LRRC3C: variants seen among roughly 807,000 people sequenced by gnomAD.
The protein encoded by LRRC3C is leucine rich repeat containing 3C.
Under a neutral mutation model 14.8 loss-of-function variants are expected in LRRC3C, and 11 were observed. The ratio of observed to expected loss-of-function variants is 0.74; its 90% CI spans 0.47 to 1.23. The LOEUF (loss-of-function observed/expected upper bound fraction) is 1.23. Ranked by LOEUF, LRRC3C falls within the 50% of genes most tolerant of loss-of-function variation. The pLI is 0.00. For synonymous variants in LRRC3C, 149 were observed against 161.5 expected (o/e 0.92, Z 0.59); for missense variants, 354 against 361.8 (o/e 0.98, Z 0.18).
intron 1 of LRRC3C, among the ~76,000 whole-genome samples, chr17:39,933,084 A>G (rs62068165): frequency 1.1e-4 from 12 of 114,102 alleles, no homozygotes; most frequent in South Asian, 3.0e-4. Context: ...AGGAAGGAAG[A>G]AAGACAACAA....
intron 2 of LRRC3C, among the ~76,000 whole-genome samples, chr17:39,936,328 C>T (rs1978794287): frequency 6.6e-6 from 1 of 152,186 alleles, no homozygotes; most frequent in African/African-American, 2.4e-5. Context: ...TTTTCCCAGG[C>T]ACTTCACAGG....
chr17:39,933,091 A>G (rs4794820), intron 1 of LRRC3C, among the ~76,000 whole-genome samples: 82,840 of 151,788 alleles, frequency 0.55, 22,771 homozygotes, highest in East Asian at 0.72. Flanking sequence ...AAGAAAGACA[A>G]CAACAAAAAA....
Position 39,943,513 on chromosome 17 carries a change from C to T in LRRC3C, c.27-420C>T, listed in dbSNP as rs751207863. On this transcript the variant is annotated intron_variant, in intron 3 of 3. Transcript: ENST00000377924. Reference sequence around the variant, plus strand: ...CATCCGTCCCCTTGTCTCCATCACGCGAGTGCCAACCAGACCCTCTGGTGC... The same window carrying T: ...CATCCGTCCCCTTGTCTCCATCACGTGAGTGCCAACCAGACCCTCTGGTGC... 2.0e-5 allele frequency among the ~76,000 whole-genome samples: 3 copies of T among 152,164 alleles called. No homozygotes were observed. In the East Asian group the frequency reaches 5.8e-4, roughly 29 times the overall value.
intron 1 of LRRC3C, chr17:39,929,583 G>A (rs750185217): frequency 2.6e-5 from 4 of 152,100 alleles, no homozygotes; most frequent in African/African-American, 7.2e-5. Context: ...CTCTTATTTC[G>A]TGCTGGGGGA....
In LRRC3C at chr17:39,944,276, C is replaced by T; in HGVS notation, c.370C>T (p.Gln124Ter). 4 of 1,535,012 alleles carry T rather than the reference C, an allele frequency of 2.6e-6. No individual in the cohort carries two copies. Among genetic ancestry groups the T allele is most frequent in the Non-Finnish European group, 3.5e-6 (4 of 1,146,392 alleles). The change falls in exon 4 of 4, where the codon CAG (glutamine) becomes TAG (stop). Residue 124 changes from glutamine to a stop codon, truncating the protein, a stop_gained. Coordinates refer to ENST00000377924, the MANE Select transcript of LRRC3C (RefSeq NM_001195545.2). LOFTEE classifies it high-confidence loss of function. The part of the protein sequence containing the change: ...ALAHLSGAAF[Q>*]GLEGTLRHLD... ...TGCCCACCTCTCAGGGGCGGCTTTC[C>T]AGGGCCTGGAGGGCACATTGCGCCA... is the stretch of plus-strand genomic sequence containing the variant.
chr17:39,936,649 CAAAAA>C (rs762019861), intron 2 of LRRC3C, among the ~76,000 whole-genome samples: 1 of 77,370 alleles, frequency 1.3e-5, no homozygotes, highest in Non-Finnish European at 2.7e-5. Flanking sequence ...CACAAAAATA[CAAAAA>C]AAAAAAAAAA....
Position 39,944,037 on chromosome 17 carries a change from G to A in LRRC3C, c.131G>A (p.Ser44Asn), listed in dbSNP as rs1979009044. 1.3e-6 allele frequency: 2 copies of A among 1,535,966 alleles called. No homozygotes were observed. Among genetic ancestry groups the A allele is most frequent in the African/African-American group, 2.7e-5 (2 of 73,022 alleles). The change falls in exon 4 of 4, where the codon AGC becomes AAC. Residue 44 changes from serine to asparagine, a missense_variant. Ser to Asn is a conservative substitution (Grantham distance 46, BLOSUM62 1). Transcript: ENST00000377924. ...LVIGTGGTVP[S>N]PQVPPRGCYV... ...ATAGGCACAGGGGGTACTGTGCCCA[G>A]CCCCCAGGTGCCTCCCCGGGGCTGT...
chr17:39,941,098 C>G (rs1380212117), intron 2 of LRRC3C, among the ~76,000 whole-genome samples: 1 of 151,542 alleles, frequency 6.6e-6, no homozygotes, highest in Non-Finnish European at 1.5e-5. Context: ...ATCTGTAATC[C>G]CAGCACTTTG....
chr17:39,930,084 A>G (rs1978603250), intron 1 of LRRC3C, among the ~76,000 whole-genome samples: 5 of 151,696 alleles, frequency 3.3e-5, no homozygotes, highest in Admixed American at 3.3e-4. Context: ...TTCGAGACCA[A>G]CCTGGACAAC....
intron 2 of LRRC3C, among the ~76,000 whole-genome samples, chr17:39,938,470 G>T (rs1978856919): frequency 6.6e-6 from 1 of 150,672 alleles, no homozygotes; most frequent in East Asian, 2.0e-4. Context: ...TTTGCAGGGG[G>T]CCAAGGCAGG....
intron 2 of LRRC3C, among the ~76,000 whole-genome samples, chr17:39,939,019 G>GAA (rs796607794): frequency 3.7e-5 from 3 of 80,066 alleles, no homozygotes; most frequent in African/African-American, 3.8e-5. Flanking sequence ...CCATCTCAAA[G>GAA]AAAAAAAAAA....
intron 1 of LRRC3C, among the ~76,000 whole-genome samples, chr17:39,930,275 CTCA>C (rs1429855889): frequency 4.4e-5 from 1 of 22,718 alleles, no homozygotes. Flanking sequence ...GAGATCCTGT[CTCA>C]AAAAAAAAAA....
intron 1 of LRRC3C, chr17:39,929,469 T>C (rs4795403): frequency 0.82 from 124,400 of 152,114 alleles, 51,190 homozygotes; most frequent in African/African-American, 0.92. Context: ...GAGTCCCTGT[T>C]GTCATCTTTC....
intron 1 of LRRC3C, among the ~76,000 whole-genome samples, chr17:39,933,664 C>T (rs1176301632): frequency 6.6e-6 from 1 of 152,154 alleles, no homozygotes; most frequent in South Asian, 2.1e-4. Flanking sequence ...ACCCGGGAGG[C>T]GGAGCTTGCA....
chr17:39,941,865 G>A (rs182516044), intron 3 of LRRC3C, among the ~76,000 whole-genome samples: 2 of 152,286 alleles, frequency 1.3e-5, no homozygotes. Context: ...GGGATCAACT[G>A]GCTGGTCCCT....
intron 2 of LRRC3C, 62 bp downstream of exon 2, chr17:39,935,956 T>C (rs1978784725): frequency 2.5e-5 from 23 of 913,180 alleles, no homozygotes; most frequent in Non-Finnish European, 3.0e-5. Context: ...TCTATCTTTT[T>C]CCTTTCAGTT....
intron 1 of LRRC3C, among the ~76,000 whole-genome samples, chr17:39,932,766 C>A (rs1218642462): frequency 6.6e-6 from 1 of 150,858 alleles, no homozygotes; most frequent in African/African-American, 2.4e-5. Flanking sequence ...CTTAAAACAA[C>A]AACAACCGGG....
In LRRC3C at chr17:39,944,424, G is replaced by A. The variant is rs553116723; in HGVS notation, c.518G>A (p.Arg173Gln). 6.0e-6 allele frequency: 9 copies of A among 1,494,314 alleles called. No individual in the cohort carries two copies. Among genetic ancestry groups the A allele is most frequent in the Middle Eastern group, 1.7e-4 (1 of 5,760 alleles). 92.6% of individuals were successfully genotyped at this position (1,494,314 alleles called of 1,614,324 possible). ...HCDCALQEVL[R>Q]QVRLVPGTGT... The stretch of plus-strand genomic sequence containing the variant: ...GACTGCGCCCTCCAGGAAGTGCTCC[G>A]GCAGGTGAGGCTGGTGCCGGGCACT... Residue 173 changes from arginine to glutamine, a missense_variant, in exon 4 of 4, where the codon CGG (arginine) becomes CAG (glutamine). Coordinates refer to ENST00000377924, the MANE Select transcript of LRRC3C (RefSeq NM_001195545.2).
rs1263016590 is a variant in LRRC3C at position 39,941,476 on chromosome 17, T to C, written c.-48T>C. 3 of 1,506,060 alleles carry C rather than the reference T, an allele frequency of 2.0e-6. No individual in the cohort carries two copies. Among genetic ancestry groups the C allele is most frequent in the East Asian group, 2.5e-5 (1 of 40,296 alleles). 93.3% of individuals were successfully genotyped at this position (1,506,060 alleles called of 1,614,324 possible). A position where few individuals can be genotyped will look rare whatever the true frequency, so the allele number is the denominator to read the frequency against. ...TTCCGTGTCCAGTCCTGGTCACCCA[T>C]AGTCTTCCAAAATCCAGCAAGAAAA... is the stretch of plus-strand genomic sequence containing the variant. On this transcript the variant is annotated 5_prime_UTR_variant, in exon 3 of 4. An upstream open reading frame in the 5' UTR loses its in-frame stop. Coordinates refer to ENST00000377924, the MANE Select transcript of LRRC3C (RefSeq NM_001195545.2).
Sources: allele counts gnomAD v4.1 joint callset (sites outside exome capture counted in the v4.1 genomes callset), GRCh38; gene constraint gnomAD v4.1.1; transcripts MANE v1.5; gene names NCBI Gene and HGNC (gene_info 2026-07-23, HGNC 2026-07-21).